Variants in GJB1 observed in about 807,000 individuals in gnomAD.
The protein encoded by GJB1 is gap junction beta-1 protein.
In GJB1, 1 loss-of-function variant was observed where a neutral mutation model predicts 12.0. The observed-to-expected ratio is 0.08, with a 90% CI of 0.03 to 0.40. GJB1 has a LOEUF of 0.40. Among genes scored for constraint, GJB1 ranks in the 10% least tolerant of loss-of-function variants. GJB1 has a pLI of 0.98. For synonymous variants in GJB1, 114 were observed against 102.8 expected (o/e 1.11, Z -0.66); for missense variants, 140 against 250.3 (o/e 0.56, Z 2.97).
upstream of GJB1, among the ~76,000 whole-genome samples, chrX:71,219,045 A>G (rs41475447): frequency 0.16 from 17,111 of 110,215 alleles, 1,066 homozygotes; most frequent in African/African-American, 0.21. Context: ...CTTACCTCAA[A>G]AAGTTCTTTT....
intron 1 of GJB1, among the ~76,000 whole-genome samples, chrX:71,216,597 T>C (rs369283950): frequency 2.3e-4 from 25 of 108,822 alleles, no homozygotes; most frequent in African/African-American, 8.4e-4. Flanking sequence ...AGGTGGGTGA[T>C]GGAGGAGTAA....
chrX:71,223,417 G>A (rs1053719150), intron 1 of GJB1, 82 bp downstream of exon 1: 12 of 405,273 alleles, frequency 3.0e-5, no homozygotes, highest in Middle Eastern at 7.0e-4. Flanking sequence ...GGCTGATATC[G>A]GAACAAGATG....
Position 71,224,572 on chromosome X carries a change from G to A in GJB1, c.*13G>A. The A allele has an allele frequency of 8.5e-7, 1 of 1,171,021 alleles. No homozygotes were observed. The highest frequency in any genetic ancestry group is 1.1e-6 in the Non-Finnish European group (1 of 872,336). On this transcript the variant is annotated 3_prime_UTR_variant, in exon 2 of 2. Coordinates refer to ENST00000361726, the MANE Select transcript of GJB1 (RefSeq NM_000166.6). ...CTCGGCCTGCTGATGCCACATACCA[G>A]GCAACCTCCCATCCCACCCCCGACC... is the stretch of plus-strand genomic sequence containing the variant.
intron 1 of GJB1, among the ~76,000 whole-genome samples, chrX:71,217,377 A>G (rs1273173308): frequency 8.9e-6 from 1 of 111,949 alleles, no homozygotes; most frequent in Non-Finnish European, 1.9e-5. Flanking sequence ...TGGGGATAAT[A>G]TTACAGGACT....
rs1430149689 is a variant in GJB1, at chrX:71,225,353, G to A, written c.*794G>A. ...TGAAGCTGCAAATGAGGAAATCACTGTACTTCTGGGCCGCAGAGCCAGCCC... is the reference window on the plus strand; with the variant it reads ...TGAAGCTGCAAATGAGGAAATCACTATACTTCTGGGCCGCAGAGCCAGCCC... On this transcript the variant is annotated 3_prime_UTR_variant, in exon 2 of 2. Coordinates refer to ENST00000361726, the MANE Select transcript of GJB1 (RefSeq NM_000166.6). 8.1e-6 allele frequency: 1 copy of A among 123,325 alleles called. No individual in the cohort carries two copies. Among genetic ancestry groups the A allele is most frequent in the Non-Finnish European group, 1.9e-5 (1 of 53,286 alleles). The allele number at this position is 123,325 out of a possible 1,213,427, so 10.2% of individuals were successfully genotyped here.
chrX:71,215,441 C>T (rs991997038), intron 1 of GJB1, among the ~76,000 whole-genome samples: 4 of 112,166 alleles, frequency 3.6e-5, no homozygotes, highest in Non-Finnish European at 5.6e-5. Context: ...GGGGTGAGGC[C>T]CCTCCTGCCA....
At chrX:71,215,867 C>T (rs1188499447) in intron 1 of GJB1, among the ~76,000 whole-genome samples, 3 of 94,865 alleles carry the variant, frequency 3.2e-5, no homozygotes, top group African/African-American at 1.3e-4. Context: ...ATTGATGGTT[C>T]GGAGATTTTT....
chrX:71,222,288 G>A (rs770473362), upstream of GJB1, among the ~76,000 whole-genome samples: 4 of 105,611 alleles, frequency 3.8e-5, no homozygotes, highest in Non-Finnish European at 7.8e-5. Context: ...TTGCTCTGTC[G>A]CCCGGACTGG....
At chrX:71,216,660 T>G (rs1268393794) in intron 1 of GJB1, among the ~76,000 whole-genome samples, 2 of 110,468 alleles carry the variant, frequency 1.8e-5, no homozygotes, top group Admixed American at 1.9e-4. Context: ...AGAAGCTCTC[T>G]GAAAAGACCG....
chrX:71,217,104 ATGTGTGTGTGTG>A lies in GJB1; in HGVS notation c.-17+1858_-17+1869del, dbSNP rs34246909. ...AGAGAGACAGAGACAGACTAGACGA[ATGTGTGTGTGTG>A]TGTGTGTGTGTGTGTGTGTGTGTGC... On this transcript the variant is annotated intron_variant, in intron 1 of 1. Transcript: ENST00000374029. Among the ~76,000 whole-genome samples, 465 of 93,571 alleles carry A rather than the reference ATGTGTGTGTGTG, an allele frequency of 5.0e-3. 5 individuals are homozygous for A. Among genetic ancestry groups the A allele is most frequent in the Non-Finnish European group, 7.8e-3 (370 of 47,169 alleles). The allele number at this position is 93,571 out of a possible 115,157, so 81.3% of individuals were successfully genotyped here. A position where few individuals can be genotyped will look rare whatever the true frequency, so the allele number is the denominator to read the frequency against.
Position 71,224,214 on chromosome X carries a change from C to T in GJB1, c.507C>T (p.Asp169=), listed in dbSNP as rs373334326. ...CCATGGTGCGGCTGGTCAAGTGCGACGTCTACCCCTGCCCCAACACAGTGG... is the reference window on the plus strand; with the variant it reads ...CCATGGTGCGGCTGGTCAAGTGCGATGTCTACCCCTGCCCCAACACAGTGG... ...GYAMVRLVKC[D]VYPCPNTVDC... The change falls in exon 2 of 2, where the codon GAC becomes GAT. Residue 169 remains aspartate, a synonymous_variant. Coordinates refer to ENST00000361726, the MANE Select transcript of GJB1 (RefSeq NM_000166.6). 1.3e-3 allele frequency: 1,526 copies of T among 1,203,970 alleles called. 18 individuals carry two copies. In the South Asian group the frequency reaches 0.021, roughly 17 times the overall value.
At chrX:71,215,872 AT>A (rs71913204) in intron 1 of GJB1, among the ~76,000 whole-genome samples, 27,416 of 96,145 alleles carry the variant, frequency 0.29, 3,405 homozygotes, top group East Asian at 0.5. Context: ...TGGTTCGGAG[AT>A]TTTTTTTTTT....
chrX:71,220,069 C>T (rs2092533833), upstream of GJB1, among the ~76,000 whole-genome samples: 1 of 106,392 alleles, frequency 9.4e-6, no homozygotes, highest in Admixed American at 1.0e-4. Flanking sequence ...TCTCGAACTC[C>T]TGACCTCAGG....
Position 71,225,365 on chromosome X carries a change from C to T in GJB1, c.*806C>T, listed in dbSNP as rs891914297. Reference sequence around the variant, plus strand: ...TGAGGAAATCACTGTACTTCTGGGCCGCAGAGCCAGCCCCGGAGCCATTCC... The same window carrying T: ...TGAGGAAATCACTGTACTTCTGGGCTGCAGAGCCAGCCCCGGAGCCATTCC... On this transcript the variant is annotated 3_prime_UTR_variant, in exon 2 of 2. Transcript: ENST00000361726. The T allele has an allele frequency of 6.5e-5, 8 of 123,231 alleles. No homozygotes were observed. The highest frequency in any genetic ancestry group is 2.3e-4 in the African/African-American group (7 of 30,822). 10.2% of individuals were successfully genotyped at this position (123,231 alleles called of 1,213,427 possible).
At chrX:71,219,635 G>A (rs1398051623), upstream of GJB1, among the ~76,000 whole-genome samples, 1 of 102,499 alleles carries the variant, frequency 9.8e-6, no homozygotes, top group Admixed American at 1.1e-4. Context: ...TTAGCCAGGC[G>A]TGGTGGCGGG....
upstream of GJB1, among the ~76,000 whole-genome samples, chrX:71,218,441 G>T (rs2092529579): frequency 9.8e-6 from 1 of 101,907 alleles, no homozygotes; most frequent in Non-Finnish European, 2.0e-5. Context: ...AGAAAGAAAA[G>T]TTATACCTGT....
upstream of GJB1, among the ~76,000 whole-genome samples, chrX:71,222,390 C>A (rs1215593813): frequency 9.2e-6 from 1 of 109,056 alleles, no homozygotes; most frequent in Non-Finnish European, 1.9e-5. Context: ...AGGCATGCGC[C>A]ACCACACACG....
upstream of GJB1, among the ~76,000 whole-genome samples, chrX:71,221,818 TCAGA>T (rs1413644487): frequency 1.8e-5 from 2 of 110,561 alleles, no homozygotes. Flanking sequence ...CAATGGGGTC[TCAGA>T]CAGACCCTAT....
chrX:71,218,184 C>T (rs1343268507), intron 1 of GJB1, among the ~76,000 whole-genome samples: 1 of 110,037 alleles, frequency 9.1e-6, no homozygotes, highest in Non-Finnish European at 1.9e-5. Flanking sequence ...CCCAGCTACT[C>T]GGGAGGCTGA....
Sources: gnomAD v4.1 joint callset for allele counts (sites outside exome capture counted in the v4.1 genomes callset) on GRCh38, gnomAD v4.1.1 for gene constraint, MANE v1.5 for transcripts, NCBI Gene and HGNC (gene_info 2026-07-23, HGNC 2026-07-21) for gene names.